Variants in DELE1 observed in about 807,000 individuals in gnomAD.
DELE1 encodes DAP3 binding cell death enhancer 1.
DELE1 carries 54 observed loss-of-function variants against 59.3 expected under a neutral mutation model. The observed-to-expected ratio is 0.91, with a 90% CI of 0.73 to 1.14. DELE1 has a LOEUF of 1.14. Among genes scored for constraint, DELE1 ranks in the 50% most tolerant of loss-of-function variants. DELE1 has a pLI of 0.00. For missense variants in DELE1, 636 were observed against 643.9 expected, an observed-to-expected ratio of 0.99 and a Z score of 0.13; for synonymous variants, 264 against 259.1, an observed-to-expected ratio of 1.02 and a Z score of -0.18.
At chr5:141,932,498 A>G (rs1751991842) in intron 7 of DELE1, among the ~76,000 whole-genome samples, 1 of 152,254 alleles carries the variant, frequency 6.6e-6, no homozygotes. Context: ...CAGAAAGGAC[A>G]GGAATCAGGG....
intron 2 of DELE1, among the ~76,000 whole-genome samples, 175 bp from the exon 3 acceptor site, chr5:141,925,235 A>G (rs573768637): frequency 9.9e-5 from 15 of 152,018 alleles, no homozygotes; most frequent in Non-Finnish European, 1.9e-4. Context: ...GCCAATTTTT[A>G]TATTTTTAGT....
chr5:141,936,992 G>T (rs1752412259), intron 10 of DELE1: 1 of 1,417,948 alleles, frequency 7.1e-7, no homozygotes, highest in African/African-American at 1.4e-5. Flanking sequence ...TGGGTGGAGG[G>T]ATCCCCCTCT....
In DELE1 at chr5:141,937,288, C is replaced by T. The variant is rs916379787; in HGVS notation, c.1240C>T (p.Gln414Ter). 3.1e-6 allele frequency: 5 copies of T among 1,614,226 alleles called. No individual in the cohort carries two copies. The highest frequency in any genetic ancestry group is 1.7e-5 in the Admixed American group (1 of 60,026). The stretch of plus-strand genomic sequence containing the variant: ...GGGAGAGGCCTTGAGATGTTACCAG[C>T]AGTCAGCCGCTCTGGGAAATGAGGC... ...NLGEALRCYQ[Q>*]SAALGNEAAQ... The change falls in exon 11 of 12, where the codon CAG becomes TAG. Residue 414 changes from glutamine (Q) to a stop codon, truncating the protein, a stop_gained. Coordinates refer to ENST00000432126, the MANE Select transcript of DELE1 (RefSeq NM_014773.5). LOFTEE classifies it high-confidence loss of function.
chr5:141,940,753 CT>C lies in DELE1; in HGVS notation c.*1997del, dbSNP rs945382051. On this transcript the variant is annotated 3_prime_UTR_variant, in exon 12 of 12. Coordinates refer to ENST00000432126, the MANE Select transcript of DELE1 (RefSeq NM_014773.5). ...CACTCCTTGGGAGCAGGGTCCTTGT[CT>C]TTGTATTCCAGTGTCCCCAGCACTG... 2 of 977,910 alleles carry C rather than the reference CT, an allele frequency of 2.0e-6. No individual in the cohort carries two copies. The highest frequency in any genetic ancestry group is 3.5e-5 in the African/African-American group (2 of 57,194). The allele number at this position is 977,910 out of a possible 1,614,324, so 60.6% of individuals were successfully genotyped here. A position where few individuals can be genotyped will look rare whatever the true frequency, so the allele number is the denominator to read the frequency against.
intron 10 of DELE1, among the ~76,000 whole-genome samples, chr5:141,936,074 G>A (rs1038169835): frequency 6.6e-6 from 1 of 152,200 alleles, no homozygotes; most frequent in African/African-American, 2.4e-5. Context: ...TTGGACCATG[G>A]TTGAGAGTCA....
chr5:141,929,768 G>A lies in DELE1; in HGVS notation c.571+28G>A, dbSNP rs200808757. 599 of 1,612,652 alleles carry A rather than the reference G, an allele frequency of 3.7e-4. 2 individuals carry two copies. The Middle Eastern group carries it at 5.3e-3, about 14-fold the overall frequency. Reference sequence around the variant, plus strand: ...ATGTCCCTGCCTCATGGAATCAGCAGAAGGCAGGGGGCGGTGGTGGTGAGC... The same window carrying A: ...ATGTCCCTGCCTCATGGAATCAGCAAAAGGCAGGGGGCGGTGGTGGTGAGC... On this transcript the variant is annotated intron_variant, in intron 5 of 11. Transcript: ENST00000432126.
chr5:141,934,276 C>G lies in DELE1; in HGVS notation c.934C>G (p.His312Asp). Residue 312 changes from histidine to aspartate, a missense_variant, in exon 9 of 12, where the codon CAC (histidine) becomes GAC (aspartate). Coordinates refer to ENST00000432126, the MANE Select transcript of DELE1 (RefSeq NM_014773.5). ...LYYQLAASQG[H>D]SLAQYRYARC... The stretch of plus-strand genomic sequence containing the variant: ...TTATCAGTTGGCTGCCAGCCAGGGC[C>G]ACAGCCTGGCTCAGTACCGCTATGC... 1 of 1,613,112 alleles carries G rather than the reference C, an allele frequency of 6.2e-7. No homozygotes were observed. The highest frequency in any genetic ancestry group is 8.5e-7 in the Non-Finnish European group (1 of 1,179,382).
rs763442338 is a variant in DELE1, at chr5:141,933,352, C to A, written c.848C>A (p.Ala283Glu). Residue 283 changes from alanine (A) to glutamate (E), a missense_variant, in exon 8 of 12, where the codon GCG becomes GAG. Coordinates refer to ENST00000432126, the MANE Select transcript of DELE1 (RefSeq NM_014773.5). ...ARGYSKAQYN[A>E]GLCHEHGRGT... is the part of the protein sequence containing the mutation. ...GGCTACAGCAAAGCGCAGTACAATG[C>A]GGGCTTGTGTCATGAGCATGGCAGA... The A allele has an allele frequency of 6.5e-7, 1 of 1,536,046 alleles. No individual in the cohort carries two copies. Among genetic ancestry groups the A allele is most frequent in the South Asian group, 1.2e-5 (1 of 82,930 alleles).
Position 141,938,575 on chromosome 5 carries a change from C to T in DELE1, c.1364C>T (p.Ser455Phe), listed in dbSNP as rs147185377. The change falls in exon 12 of 12, where the codon TCC (serine) becomes TTC (phenylalanine). Residue 455 changes from serine (S) to phenylalanine (F), a missense_variant. By Grantham distance (155) the Ser-to-Phe change is radical (BLOSUM62 -2). Transcript: ENST00000432126. ...GGACTGAAGTCTTTCTCCAGCCCCT[C>T]CCTCTGCAGCTTGAACACCCTGCTA... ...VTGLKSFSSP[S>F]LCSLNTLLAG... 1.9e-6 allele frequency: 3 copies of T among 1,614,148 alleles called. No homozygotes were observed. The East Asian group carries it at 6.7e-5, about 36-fold the overall frequency.
chr5:141,928,278 C>T lies in DELE1; in HGVS notation c.392C>T (p.Pro131Leu). The change falls in exon 4 of 12, where the codon CCC becomes CTC. Residue 131 changes from proline (P) to leucine (L), a missense_variant. Transcript: ENST00000432126. ...HSPLDRFFSS[P>L]LWHPCSSLRQ... ...CCCCTGGACCGTTTCTTCTCATCTC[C>T]CTTGTGGCACCCATGCTCCTGTGAG... 1.9e-6 allele frequency: 3 copies of T among 1,614,162 alleles called. No individual in the cohort carries two copies. The South Asian group carries it at 3.3e-5, about 18-fold the overall frequency.
At chr5:141,925,856 TTA>T (rs1751362823) in intron 3 of DELE1, among the ~76,000 whole-genome samples, 2 of 152,164 alleles carry the variant, frequency 1.3e-5, no homozygotes, top group Admixed American at 1.3e-4. Context: ...CATCTTTTTT[TTA>T]TTATTCATTT....
chr5:141,937,602 C>T (rs1752465009), intron 11 of DELE1, among the ~76,000 whole-genome samples: 2 of 149,060 alleles, frequency 1.3e-5, no homozygotes, highest in African/African-American at 5.1e-5. Context: ...AACCCCGTCT[C>T]TATTAAAAAT....
Position 141,929,700 on chromosome 5 carries a change from C to G in DELE1, c.531C>G (p.Asn177Lys), listed in dbSNP as rs10078802. ...CTCAGCCCCGGAACTTCTCACACAA[C>G]TCTTTGAGAGGAGCTCGTCCTCAGG... ...ASAQPRNFSH[N>K]SLRGARPQDP... Residue 177 changes from asparagine to lysine, a missense_variant, in exon 5 of 12, where the codon AAC (asparagine) becomes AAG (lysine). Transcript: ENST00000432126. 6.2e-7 allele frequency: 1 copy of G among 1,614,186 alleles called. No homozygotes were observed. Among genetic ancestry groups the G allele is most frequent in the South Asian group, 1.1e-5 (1 of 91,082 alleles).
intron 3 of DELE1, among the ~76,000 whole-genome samples, chr5:141,925,994 T>G (rs1156655235): frequency 1.3e-5 from 2 of 152,138 alleles, no homozygotes; most frequent in Admixed American, 1.3e-4. Flanking sequence ...ATTCTCCTGC[T>G]TCAGCCTCCC....
At position 141,926,174 on chromosome 5, in the gene DELE1, G is replaced by A. The variant is rs539783549; in HGVS notation, c.264+647G>A. Among the ~76,000 whole-genome samples the A allele has an allele frequency of 9.9e-5, 15 of 152,212 alleles. No homozygotes were observed. In the South Asian group the frequency reaches 2.9e-3, roughly 29 times the overall value. On this transcript the variant is annotated intron_variant, in intron 3 of 11. Transcript: ENST00000432126. ...ATTACAGCTGTGAGCCACCGCGCCC[G>A]GCCTTATAGCATTATTTATTAATGT...
At chr5:141,937,768 T>C (rs62380001) in intron 11 of DELE1, among the ~76,000 whole-genome samples, 103,866 of 103,966 alleles carry the variant, frequency 1, 51,883 homozygotes, top group Middle Eastern at 1. Context: ...AAGATTCTGT[T>C]TCAAAAAAAA....
At chr5:141,933,725 A>G (rs1283167506) in intron 8 of DELE1, 2 of 165,970 alleles carry the variant, frequency 1.2e-5, no homozygotes, top group African/African-American at 4.8e-5. Context: ...GTAGAGTTGT[A>G]TGTGAAGGCA....
At chr5:141,934,714 T>C (rs1162754260) in intron 10 of DELE1, 128 bp downstream of exon 10, 4 of 890,630 alleles carry the variant, frequency 4.5e-6, no homozygotes, top group Non-Finnish European at 7.1e-6. Flanking sequence ...GCTTCAAGCC[T>C]TAGCGCTCAC....
chr5:141,933,393 A>C lies in DELE1; in HGVS notation c.889A>C (p.Ile297Leu). ...HEHGRGTPRD[I>L]SKAVLYYQLA... is the part of the protein sequence containing the mutation. ...GCATGGCAGAGGCACCCCCAGGGAC[A>C]TTAGCAAGGTATTCCCCTGCCCCCA... is the stretch of plus-strand genomic sequence containing the variant. The change falls in exon 8 of 12, where the codon ATT becomes CTT. Residue 297 changes from isoleucine to leucine, a missense_variant. Coordinates refer to ENST00000432126, the MANE Select transcript of DELE1 (RefSeq NM_014773.5). The C allele has an allele frequency of 6.7e-7, 1 of 1,498,100 alleles. No individual in the cohort carries two copies. The highest frequency in any genetic ancestry group is 1.3e-5 in the South Asian group (1 of 78,116). 92.8% of individuals were successfully genotyped at this position (1,498,100 alleles called of 1,614,324 possible). A position where few individuals can be genotyped will look rare whatever the true frequency, so the allele number is the denominator to read the frequency against.
Sources: gnomAD v4.1 joint callset for allele counts (sites outside exome capture counted in the v4.1 genomes callset) on GRCh38, gnomAD v4.1.1 for gene constraint, MANE v1.5 for transcripts, NCBI Gene and HGNC (gene_info 2026-07-23, HGNC 2026-07-21) for gene names.